Variants in PACRG observed in about 807,000 individuals in gnomAD.
PACRG encodes parkin coregulated gene protein.
Under a neutral mutation model 29.7 loss-of-function variants are expected in PACRG, and 29 were observed. The observed-to-expected ratio is 0.98, with a 90% CI of 0.73 to 1.33. The LOEUF (loss-of-function observed/expected upper bound fraction) is 1.33, where lower values mean the gene tolerates loss of function less well. PACRG is among the 40% of genes most tolerant of loss of function. PACRG has a pLI of 0.00. For missense variants in PACRG, 279 were observed against 316.2 expected, an observed-to-expected ratio of 0.88 and a Z score of 0.89; for synonymous variants, 116 against 118.7, an observed-to-expected ratio of 0.98 and a Z score of 0.15.
In PACRG at chr6:163,260,637, G is replaced by T. The variant is rs190845924; in HGVS notation, c.614-54190G>T. ...AGTGGGATCCTGTGGTCTTCCCTGG[G>T]TAGAGACAGGGAAAGAATACTGCTG... On this transcript the variant is annotated intron_variant, in intron 4 of 4. Coordinates refer to ENST00000366888, the MANE Select transcript of PACRG (RefSeq NM_001080379.2). Among the ~76,000 whole-genome samples, 468 of 152,288 alleles carry T rather than the reference G, an allele frequency of 3.1e-3. 3 individuals are homozygous for T. Among genetic ancestry groups the T allele is most frequent in the Non-Finnish European group, 2.7e-3 (187 of 68,016 alleles).
chr6:163,065,836 AG>A (rs561172599), intron 3 of PACRG, among the ~76,000 whole-genome samples: 65 of 152,342 alleles, frequency 4.3e-4, no homozygotes, highest in African/African-American at 1.5e-3. Flanking sequence ...AGAAGTATAG[AG>A]AATAATCAAC....
At chr6:163,089,172 C>T in intron 3 of PACRG, 87 bp from the exon 4 acceptor site, 1 of 1,400,540 alleles carries the variant, frequency 7.1e-7, no homozygotes, top group Non-Finnish European at 9.7e-7. Flanking sequence ...TAATTAAATG[C>T]AACCACAAGA....
At chr6:163,269,913 A>G (rs1783713375) in intron 4 of PACRG, among the ~76,000 whole-genome samples, 1 of 87,416 alleles carries the variant, frequency 1.1e-5, no homozygotes. Context: ...AAAGAAAGAA[A>G]GAAAGAAAGA....
At chr6:163,164,317 G>A (rs1295859165) in intron 4 of PACRG, among the ~76,000 whole-genome samples, 3 of 152,076 alleles carry the variant, frequency 2.0e-5, no homozygotes, top group Non-Finnish European at 4.4e-5. Flanking sequence ...CTTCCATTTG[G>A]TGGCTGCCAA....
chr6:162,981,905 A>AT lies in PACRG; in HGVS notation c.292-80227dup, dbSNP rs61345315. Among the ~76,000 whole-genome samples, 1,056 of 124,168 alleles carry AT rather than the reference A, an allele frequency of 8.5e-3. 7 individuals carry two copies. The highest frequency in any genetic ancestry group is 0.014 in the Middle Eastern group (3 of 208). 81.5% of individuals were successfully genotyped at this position (124,168 alleles called of 152,430 possible). ...CAGCTGTGAATCCATCTGGTCCTGG[A>AT]TTTTTTTTTTTTTTTTTTGGTTGAC... On this transcript the variant is annotated intron_variant, in intron 2 of 4. Transcript: ENST00000366888.
intron 2 of PACRG, among the ~76,000 whole-genome samples, chr6:162,947,508 A>C (rs1277061451): frequency 2.5e-4 from 31 of 121,904 alleles, no homozygotes; most frequent in Non-Finnish European, 4.4e-4. Flanking sequence ...TATATATATA[A>C]TCTATATATA....
intron 4 of PACRG, among the ~76,000 whole-genome samples, chr6:163,149,917 T>C (rs1778005273): frequency 6.6e-6 from 1 of 152,212 alleles, no homozygotes; most frequent in Non-Finnish European, 1.5e-5. Flanking sequence ...CAGAGATGCC[T>C]GGGACTCCTC....
Position 163,004,498 on chromosome 6 carries a change from C to T in PACRG, c.292-57652C>T, listed in dbSNP as rs540590378. ...GAAGTGCCAAGGGAAGGGGGAAGAGCGCCTTATAAAACCATCAGTTCTCAT... is the reference window on the plus strand; with the variant it reads ...GAAGTGCCAAGGGAAGGGGGAAGAGTGCCTTATAAAACCATCAGTTCTCAT... On this transcript the variant is annotated intron_variant, in intron 2 of 4. Transcript: ENST00000366888. Among the ~76,000 whole-genome samples, 9 of 151,548 alleles carry T rather than the reference C, an allele frequency of 5.9e-5. No homozygotes were observed. The South Asian group carries it at 1.0e-3, about 18-fold the overall frequency.
At chr6:163,153,197 G>C (rs900610652) in intron 4 of PACRG, among the ~76,000 whole-genome samples, 1 of 152,156 alleles carries the variant, frequency 6.6e-6, no homozygotes, top group Non-Finnish European at 1.5e-5. Context: ...AAGCATAAAA[G>C]TATAGTCAGG....
At chr6:163,091,115 A>C (rs1814070944) in intron 4 of PACRG, among the ~76,000 whole-genome samples, 1 of 152,232 alleles carries the variant, frequency 6.6e-6, no homozygotes, top group Non-Finnish European at 1.5e-5. Flanking sequence ...CACACAATAA[A>C]GGCTAGAACT....
In PACRG at chr6:163,270,634, A is replaced by C. The variant is rs1337228339; in HGVS notation, c.614-44193A>C. On this transcript the variant is annotated intron_variant, in intron 4 of 4. Coordinates refer to ENST00000366888, the MANE Select transcript of PACRG (RefSeq NM_001080379.2). The stretch of plus-strand genomic sequence containing the variant: ...AGCAGTCCTCCCTCCTTGCCTCCCA[A>C]AGTGCCGGGATTACAGGCCTGAGCC... Among the ~76,000 whole-genome samples, 4 of 152,096 alleles carry C rather than the reference A, an allele frequency of 2.6e-5. No individual in the cohort carries two copies. In the East Asian group the frequency reaches 7.7e-4, roughly 29 times the overall value.
intron 1 of PACRG, among the ~76,000 whole-genome samples, chr6:162,743,488 C>T (rs1359788488): frequency 2.0e-5 from 3 of 151,972 alleles, no homozygotes; most frequent in African/African-American, 7.2e-5. Flanking sequence ...CCAATATATT[C>T]TCATTGCTAA....
chr6:162,791,307 G>GTTTTTTTTTTT (rs141410582), intron 1 of PACRG, among the ~76,000 whole-genome samples: 23 of 117,852 alleles, frequency 2.0e-4, no homozygotes, highest in Non-Finnish European at 2.2e-4. Flanking sequence ...TAGTTTGTTT[G>GTTTTTTTTTTT]TTTGTTTTTT....
intron 4 of PACRG, among the ~76,000 whole-genome samples, chr6:163,220,499 CGGA>C (rs1163899814): frequency 1.3e-5 from 2 of 152,024 alleles, no homozygotes; most frequent in Admixed American, 6.6e-5. Flanking sequence ...GGCTCTAAGG[CGGA>C]GAAGATGGCA....
intron 4 of PACRG, among the ~76,000 whole-genome samples, chr6:163,215,968 G>A (rs542297796): frequency 2.0e-5 from 3 of 152,314 alleles, no homozygotes; most frequent in East Asian, 1.9e-4. Flanking sequence ...GCTGTAAAGT[G>A]CACTGAAGGT....
At chr6:162,996,323 C>A (rs890691719) in intron 2 of PACRG, among the ~76,000 whole-genome samples, 1 of 152,068 alleles carries the variant, frequency 6.6e-6, no homozygotes, top group African/African-American at 2.4e-5. Context: ...AAAAAGGGGT[C>A]ATTACTGGCA....
chr6:163,112,628 A>G (rs1169087441), intron 4 of PACRG, among the ~76,000 whole-genome samples: 1 of 152,196 alleles, frequency 6.6e-6, no homozygotes, highest in East Asian at 1.9e-4. Context: ...CACATGTGCA[A>G]AGGCAACTAG....
intron 1 of PACRG, among the ~76,000 whole-genome samples, chr6:162,738,621 T>C (rs1459420402): frequency 6.6e-6 from 1 of 152,200 alleles, no homozygotes; most frequent in East Asian, 1.9e-4. Flanking sequence ...TATCATTTTT[T>C]CAAAAGGCAT....
At chr6:163,014,243 A>T (rs1176745457) in intron 2 of PACRG, among the ~76,000 whole-genome samples, 1 of 152,184 alleles carries the variant, frequency 6.6e-6, no homozygotes, top group Non-Finnish European at 1.5e-5. Context: ...CATTTTCTTT[A>T]TCCAATTCAC....
Sources: allele counts gnomAD v4.1 joint callset (sites outside exome capture counted in the v4.1 genomes callset), GRCh38; gene constraint gnomAD v4.1.1; transcripts MANE v1.5; gene names NCBI Gene and HGNC (gene_info 2026-07-23, HGNC 2026-07-21).